Variants in PCNX2 observed in about 807,000 individuals in gnomAD.
The protein encoded by PCNX2 is pecanex-like protein 2.
PCNX2 carries 168 observed loss-of-function variants against 223.8 expected under a neutral mutation model. That is an observed-to-expected ratio of 0.75 (90% CI 0.66 to 0.85). PCNX2 has a LOEUF of 0.85. Ranked by LOEUF, PCNX2 falls within the 40% of genes least tolerant of loss-of-function variation. The pLI, the probability that PCNX2 is intolerant of heterozygous loss-of-function variation, is 0.00. For synonymous variants in PCNX2, 1,006 were observed against 1,052.6 expected (o/e 0.96, Z 0.86); for missense variants, 2,507 against 2,675.5 (o/e 0.94, Z 1.39).
intron 4 of PCNX2, among the ~76,000 whole-genome samples, chr1:233,261,052 T>C (rs1303614455): frequency 1.3e-5 from 2 of 152,062 alleles, no homozygotes; most frequent in Non-Finnish European, 2.9e-5. Flanking sequence ...ACTGGAGAAA[T>C]GACAATGAAT....
Position 232,984,422 on chromosome 1 carries a change from T to A in PCNX2, c.6296A>T (p.Asp2099Val), listed in dbSNP as rs1255187127. ...CGCCACAGCCTCAGCCAGACATCGG[T>A]CATGAAGCTGCCCCTGCTCGGTGGC... Reference protein sequence around the residue: ...PDATEQGQLHDRCLAEAVADT... With the variant: ...PDATEQGQLHVRCLAEAVADT... The change falls in exon 34 of 34, where the codon GAC (aspartate) becomes GTC (valine). Residue 2099 changes from aspartate (D) to valine (V), a missense_variant. Around this residue, in one of 3 missense-constraint regions of PCNX2, gnomAD observed 1,372 missense variants for 1,509.4 expected, o/e 0.91. Coordinates refer to ENST00000258229, the MANE Select transcript of PCNX2 (RefSeq NM_014801.4). The A allele has an allele frequency of 6.2e-7, 1 of 1,613,544 alleles. No homozygotes were observed. Among genetic ancestry groups the A allele is most frequent in the Non-Finnish European group, 8.5e-7 (1 of 1,179,772 alleles).
intron 12 of PCNX2, among the ~76,000 whole-genome samples, chr1:233,215,672 G>T (rs1209973614): frequency 6.6e-6 from 1 of 152,202 alleles, no homozygotes; most frequent in African/African-American, 2.4e-5. Context: ...CAGAAAAACA[G>T]CGACACTGAA....
At chr1:233,198,290 C>T (rs190796585) in intron 15 of PCNX2, among the ~76,000 whole-genome samples, 1 of 152,290 alleles carries the variant, frequency 6.6e-6, no homozygotes, top group African/African-American at 2.4e-5. Context: ...CACTTCACCT[C>T]CCCCATTCTT....
the PCNX2 span, among the ~76,000 whole-genome samples, chr1:233,317,658 T>TA: frequency 4.6e-5 from 7 of 151,474 alleles, no homozygotes; most frequent in Admixed American, 6.6e-5. Flanking sequence ...GAAAATATAC[T>TA]AAATGAGGGG....
chr1:233,286,857 G>A (rs1661477905), intron 1 of PCNX2, among the ~76,000 whole-genome samples: 1 of 152,158 alleles, frequency 6.6e-6, no homozygotes, highest in African/African-American at 2.4e-5. Context: ...GAGGGAGGAA[G>A]AGAGCAAGAA....
intron 23 of PCNX2, among the ~76,000 whole-genome samples, chr1:233,089,359 T>C (rs1305078707): frequency 6.6e-6 from 1 of 152,184 alleles, no homozygotes; most frequent in Non-Finnish European, 1.5e-5. Context: ...CTGTCCCAGC[T>C]GAAGACCTCC....
chr1:232,986,293 G>C lies in PCNX2; in HGVS notation c.6039C>G (p.Ala2013=), dbSNP rs375933941. 2.6e-6 allele frequency: 4 copies of C among 1,568,468 alleles called. No homozygotes were observed. Among genetic ancestry groups the C allele is most frequent in the Non-Finnish European group, 3.5e-6 (4 of 1,157,666 alleles). Residue 2013 remains alanine (A), a synonymous_variant, in exon 33 of 34, where the codon GCC becomes GCG. Coordinates refer to ENST00000258229, the MANE Select transcript of PCNX2 (RefSeq NM_014801.4). The part of the protein sequence containing the change: ...TTGHLSVRER[A]EALIRSSLGS... ...CCAGGCTGGACCTGATGAGCGCCTC[G>C]GCCCGCTCACGGACACTCAGGTGGC...
In PCNX2 at chr1:233,111,053, C is replaced by A. The variant is rs923281518; in HGVS notation, c.3838-15190G>T. Among the ~76,000 whole-genome samples, 27 of 152,196 alleles carry A rather than the reference C, an allele frequency of 1.8e-4. 1 individual carries two copies. Among genetic ancestry groups the A allele is most frequent in the Non-Finnish European group, 4.4e-5 (3 of 68,034 alleles). ...AAAGATTATCCTGTTATCCTTCTCT[C>A]CACTGCCCTGATCACTTGTCTCCTT... On this transcript the variant is annotated intron_variant, in intron 21 of 33. Coordinates refer to ENST00000258229, the MANE Select transcript of PCNX2 (RefSeq NM_014801.4).
intron 9 of PCNX2, chr1:233,232,931 C>T: frequency 1.0e-6 from 1 of 984,852 alleles, no homozygotes; most frequent in Non-Finnish European, 1.2e-6. Context: ...TTACAAAACA[C>T]TTTCACATAC....
chr1:233,254,899 C>A (rs1261104519), intron 5 of PCNX2, among the ~76,000 whole-genome samples: 1 of 151,776 alleles, frequency 6.6e-6, no homozygotes, highest in African/African-American at 2.4e-5. Context: ...TTCAATTTTC[C>A]ATATTATAGA....
At chr1:233,197,927 C>T (rs905182955) in intron 15 of PCNX2, among the ~76,000 whole-genome samples, 3 of 151,938 alleles carry the variant, frequency 2.0e-5, no homozygotes, top group South Asian at 4.2e-4. Flanking sequence ...CAAAGGAGTA[C>T]CTGTGGTTTA....
At chr1:233,173,598 C>T (rs1679288020) in intron 17 of PCNX2, among the ~76,000 whole-genome samples, 1 of 152,172 alleles carries the variant, frequency 6.6e-6, no homozygotes, top group Non-Finnish European at 1.5e-5. Flanking sequence ...GAATATAATG[C>T]CTTTGGAACT....
At position 233,253,313 on chromosome 1, in the gene PCNX2, T is replaced by TG. The variant is rs1463112340; in HGVS notation, c.1835-526dup. On this transcript the variant is annotated intron_variant, in intron 5 of 33. Coordinates refer to ENST00000258229, the MANE Select transcript of PCNX2 (RefSeq NM_014801.4). This position sits in a 1 kb window ranked among gnomAD's most constrained non-coding sequence, Gnocchi z 4.2. ...AAAGCAAATACTTGTTAAGTATAGC[T>TG]GGGGGCGGGGGTTGTTTTTGTTTGT... is the stretch of plus-strand genomic sequence containing the variant. Among the ~76,000 whole-genome samples the TG allele has an allele frequency of 6.6e-6, 1 of 152,260 alleles. No homozygotes were observed. Among genetic ancestry groups the TG allele is most frequent in the South Asian group, 2.1e-4 (1 of 4,826 alleles).
chr1:233,000,908 A>C lies in PCNX2; in HGVS notation c.5098-373T>G, dbSNP rs1670059732. Reference sequence around the variant, plus strand: ...GGGCAAATCACCATTGGCTAAAGTCAAGACTATCTGGACGGCTTCAATGCT... The same window carrying C: ...GGGCAAATCACCATTGGCTAAAGTCCAGACTATCTGGACGGCTTCAATGCT... On this transcript the variant is annotated intron_variant, in intron 29 of 33. Transcript: ENST00000258229. This position sits in a 1 kb window ranked among gnomAD's most constrained non-coding sequence, Gnocchi z 4.6. 1.3e-5 allele frequency among the ~76,000 whole-genome samples: 2 copies of C among 152,174 alleles called. No homozygotes were observed. Among genetic ancestry groups the C allele is most frequent in the Admixed American group, 1.3e-4 (2 of 15,274 alleles).
chr1:233,082,177 A>G (rs1332116636), intron 23 of PCNX2, among the ~76,000 whole-genome samples: 1 of 152,190 alleles, frequency 6.6e-6, no homozygotes, highest in East Asian at 1.9e-4. Flanking sequence ...CTGTCAAATA[A>G]GAAAAATGAA....
intron 1 of PCNX2, among the ~76,000 whole-genome samples, chr1:233,282,478 G>C (rs192138141): frequency 6.6e-6 from 1 of 152,176 alleles, no homozygotes; most frequent in East Asian, 1.9e-4. Context: ...CTAGGTGTTC[G>C]GTTTCCCTAC....
Position 233,055,525 on chromosome 1 carries a change from AG to A in PCNX2, c.4136-1043del, listed in dbSNP as rs542473988. Among the ~76,000 whole-genome samples the A allele has an allele frequency of 4.2e-3, 644 of 152,156 alleles. 3 individuals carry two copies. The highest frequency in any genetic ancestry group is 0.014 in the African/African-American group (597 of 41,518). On this transcript the variant is annotated intron_variant, in intron 24 of 33. Transcript: ENST00000258229. ...TCCTTTCATGGGATCTCTCAAGATG[AG>A]GGATATAAGATTTTTTAAAGAGAAG... is the stretch of plus-strand genomic sequence containing the variant.
intron 21 of PCNX2, among the ~76,000 whole-genome samples, chr1:233,118,013 A>C (rs899453242): frequency 6.6e-6 from 1 of 151,888 alleles, no homozygotes; most frequent in Non-Finnish European, 1.5e-5. Flanking sequence ...CCGTCTCAAA[A>C]AAAAAAAAAA....
At chr1:233,241,926 T>C (rs1658796247) in intron 8 of PCNX2, among the ~76,000 whole-genome samples, 1 of 152,178 alleles carries the variant, frequency 6.6e-6, no homozygotes, top group Non-Finnish European at 1.5e-5. Context: ...CAGACATGAT[T>C]ATTTATTGCC....
Sources: allele counts gnomAD v4.1 joint callset (sites outside exome capture counted in the v4.1 genomes callset), GRCh38; gene constraint gnomAD v4.1.1; regional missense constraint gnomAD v4.1.1; non-coding constraint Gnocchi (gnomAD v3.1); transcripts MANE v1.5; gene names NCBI Gene and HGNC (gene_info 2026-07-23, HGNC 2026-07-21).